The following ESRRG variants were observed in gnomAD, a reference collection of about 807,000 sequenced individuals.
ESRRG encodes the protein estrogen-related receptor gamma.
ESRRG carries 13 observed loss-of-function variants against 44.0 expected under a neutral mutation model. The observed-to-expected ratio is 0.30, with a 90% confidence interval of 0.19 to 0.47. The LOEUF is 0.47. Among genes scored for constraint, ESRRG ranks in the 20% least tolerant of loss-of-function variants. The pLI is 1.00. For missense variants in ESRRG, 395 were observed against 580.6 expected, an observed-to-expected ratio of 0.68 and a Z score of 3.29; for synonymous variants, 215 against 214.6, an observed-to-expected ratio of 1.00 and a Z score of -0.02.
chr1:216,695,687 T>C (rs1270519751), intron 1 of ESRRG, among the ~76,000 whole-genome samples: 1 of 152,188 alleles, frequency 6.6e-6, no homozygotes, highest in African/African-American at 2.4e-5. Context: ...ACATCATCTC[T>C]GTTTACTAAT....
intron 1 of ESRRG, among the ~76,000 whole-genome samples, chr1:216,687,016 T>G (rs993316565): frequency 7.2e-6 from 1 of 139,576 alleles, no homozygotes; most frequent in Non-Finnish European, 1.5e-5. Flanking sequence ...TTCAGGGACA[T>G]GGCAGGGCCC....
At chr1:217,079,829 T>C (rs951197304) in intron 1 of ESRRG, among the ~76,000 whole-genome samples, 3 of 152,220 alleles carry the variant, frequency 2.0e-5, no homozygotes, top group African/African-American at 7.2e-5. Context: ...AATTAAGACA[T>C]GGTCTCTACC....
chr1:217,065,122 T>C (rs2089412977), intron 1 of ESRRG, among the ~76,000 whole-genome samples: 1 of 152,200 alleles, frequency 6.6e-6, no homozygotes, highest in African/African-American at 2.4e-5. Flanking sequence ...ATAAATAGCC[T>C]AGGATATCCA....
chr1:216,693,562 C>G (rs746111830), intron 1 of ESRRG, among the ~76,000 whole-genome samples: 2 of 152,182 alleles, frequency 1.3e-5, no homozygotes, highest in Non-Finnish European at 2.9e-5. Context: ...TGAATACAAC[C>G]TATGCACATC....
intron 1 of ESRRG, among the ~76,000 whole-genome samples, chr1:217,099,302 T>C (rs2092469823): frequency 6.6e-6 from 1 of 151,550 alleles, no homozygotes; most frequent in African/African-American, 2.4e-5. Context: ...CATGATGAGC[T>C]AATGAAGTGG....
intron 5 of ESRRG, among the ~76,000 whole-genome samples, chr1:216,533,792 A>C (rs1009846181): frequency 6.6e-6 from 1 of 152,144 alleles, no homozygotes; most frequent in Admixed American, 6.6e-5. Context: ...CCCATTTTTC[A>C]GCTACTAGCA....
chr1:216,513,717 A>G (rs957244539), intron 6 of ESRRG, among the ~76,000 whole-genome samples: 1 of 152,146 alleles, frequency 6.6e-6, no homozygotes. Context: ...AATGGGATTT[A>G]CCTGCTAGGT....
chr1:216,686,741 G>A (rs1016346216), intron 1 of ESRRG, among the ~76,000 whole-genome samples: 4 of 152,144 alleles, frequency 2.6e-5, no homozygotes, highest in African/African-American at 9.7e-5. Flanking sequence ...ATGGGTTCTA[G>A]CTCTGGATCC....
chr1:216,946,660 G>A (rs1261638431), intron 1 of ESRRG, among the ~76,000 whole-genome samples: 2 of 152,040 alleles, frequency 1.3e-5, no homozygotes, highest in African/African-American at 2.4e-5. Flanking sequence ...AAATTTTAAC[G>A]TTGTGTTCTC....
At chr1:216,684,967 G>A (rs1408303218) in intron 1 of ESRRG, among the ~76,000 whole-genome samples, 1 of 152,182 alleles carries the variant, frequency 6.6e-6, no homozygotes, top group Non-Finnish European at 1.5e-5. Context: ...TCCGAAGAGA[G>A]AATCTCGAAA....
intron 1 of ESRRG, among the ~76,000 whole-genome samples, chr1:216,956,083 T>A (rs1230323443): frequency 6.6e-6 from 1 of 152,190 alleles, no homozygotes; most frequent in African/African-American, 2.4e-5. Context: ...TTGCTGTCTG[T>A]GTTTTTACAG....
At chr1:216,910,644 A>C (rs1353352154) in intron 2 of ESRRG, among the ~76,000 whole-genome samples, 1 of 152,230 alleles carries the variant, frequency 6.6e-6, no homozygotes, top group Non-Finnish European at 1.5e-5. Context: ...GAAGGCTATT[A>C]TACTCTTGAT....
chr1:216,928,155 A>G (rs2062835371), intron 2 of ESRRG, among the ~76,000 whole-genome samples: 1 of 152,162 alleles, frequency 6.6e-6, no homozygotes, highest in Admixed American at 6.5e-5. Flanking sequence ...GATATGCATC[A>G]ATCTTGTGCT....
At chr1:216,692,008 A>G (rs916104092) in intron 1 of ESRRG, among the ~76,000 whole-genome samples, 10 of 152,260 alleles carry the variant, frequency 6.6e-5, no homozygotes, top group African/African-American at 2.4e-4. Context: ...ATAATTATGT[A>G]CAGTATGTTG....
chr1:216,770,730 C>A (rs1456038681), intron 2 of ESRRG, among the ~76,000 whole-genome samples: 1 of 152,072 alleles, frequency 6.6e-6, no homozygotes, highest in Non-Finnish European at 1.5e-5. Context: ...ATACTTGATT[C>A]ATTGTTGGAT....
intron 2 of ESRRG, among the ~76,000 whole-genome samples, chr1:216,770,854 A>G (rs937323526): frequency 3.9e-5 from 6 of 151,990 alleles, no homozygotes; most frequent in South Asian, 4.1e-4. Context: ...CTTTCCATCT[A>G]TCCAACCATG....
Position 216,751,618 on chromosome 1 carries a change from C to T in ESRRG, c.-13-74127G>A, listed in dbSNP as rs552284704. Among the ~76,000 whole-genome samples the T allele has an allele frequency of 1.2e-4, 18 of 152,104 alleles. No homozygotes were observed. In the South Asian group the frequency reaches 3.8e-3, roughly 32 times the overall value. On this transcript the variant is annotated intron_variant, in intron 2 of 7. Transcript: ENST00000359162. The stretch of plus-strand genomic sequence containing the variant: ...TTTCCTCCCTGCTTAGGCATCAGGG[C>T]CTGGGAGCCACCAGTAGACCCAAAA...
At chr1:216,740,696 A>G (rs1311970704) in intron 2 of ESRRG, among the ~76,000 whole-genome samples, 1 of 152,068 alleles carries the variant, frequency 6.6e-6, no homozygotes, top group Non-Finnish European at 1.5e-5. Context: ...ATGCTTGTGG[A>G]GAAATAATGC....
At chr1:216,533,293 A>G (rs2049954338) in intron 5 of ESRRG, among the ~76,000 whole-genome samples, 1 of 152,142 alleles carries the variant, frequency 6.6e-6, no homozygotes, top group Admixed American at 6.6e-5. Flanking sequence ...GGTATATATT[A>G]GATGTGACAT....
Sources: gnomAD v4.1 joint callset for allele counts (sites outside exome capture counted in the v4.1 genomes callset) on GRCh38, gnomAD v4.1.1 for gene constraint, MANE v1.5 for transcripts, NCBI Gene and HGNC (gene_info 2026-07-23, HGNC 2026-07-21) for gene names.